The following FAM13C variants were observed in gnomAD, a reference collection of about 807,000 sequenced individuals.
FAM13C encodes protein FAM13C.
A neutral mutation model predicts 73.2 loss-of-function variants in FAM13C; 37 were observed. That is an observed-to-expected ratio of 0.51 (90% CI 0.39 to 0.67). The LOEUF (loss-of-function observed/expected upper bound fraction) is 0.67, where lower values mean the gene tolerates loss of function less well. FAM13C is among the 30% of genes least tolerant of loss of function. The pLI is 0.00. For synonymous variants in FAM13C, 246 were observed against 260.9 expected (o/e 0.94, Z 0.55); for missense variants, 589 against 715.6 (o/e 0.82, Z 2.02).
chr10:59,319,272 TC>T (rs1332311954), intron 4 of FAM13C, among the ~76,000 whole-genome samples: 3 of 152,206 alleles, frequency 2.0e-5, no homozygotes, highest in African/African-American at 7.2e-5. Flanking sequence ...AAGGCCATTA[TC>T]CTTGCTAAGG....
intron 3 of FAM13C, among the ~76,000 whole-genome samples, chr10:59,334,471 C>A (rs1468085639): frequency 1.3e-5 from 2 of 152,060 alleles, no homozygotes; most frequent in East Asian, 3.9e-4. Context: ...ATGTTTATTG[C>A]AGCACTATTC....
rs1554811240 is a variant in FAM13C at position 59,265,311 on chromosome 10, A to AGGAGG, written c.943-1146_943-1145insCCTCC. On this transcript the variant is annotated intron_variant, in intron 8 of 13. Coordinates refer to ENST00000618804, the MANE Select transcript of FAM13C (RefSeq NM_198215.4). ...CTGAGGGATGGCAGAGGGATAGGGA[A>AGGAGG]GGGGTTTTGGCGGGGGGGGGGGGGA... Among the ~76,000 whole-genome samples, 2 of 8,328 alleles carry AGGAGG rather than the reference A, an allele frequency of 2.4e-4. 1 individual carries two copies. Among genetic ancestry groups the AGGAGG allele is most frequent in the African/African-American group, 1.3e-3 (2 of 1,588 alleles). 5.5% of individuals were successfully genotyped at this position (8,328 alleles called of 152,430 possible). A position where few individuals can be genotyped will look rare whatever the true frequency, so the allele number is the denominator to read the frequency against.
intron 6 of FAM13C, among the ~76,000 whole-genome samples, chr10:59,278,615 A>G: frequency 6.6e-6 from 1 of 152,098 alleles, no homozygotes; most frequent in East Asian, 1.9e-4. Context: ...CCCTCATTGT[A>G]ACCAGTTGTG....
At chr10:59,284,327 C>G (rs914025148) in intron 5 of FAM13C, among the ~76,000 whole-genome samples, 13 of 151,986 alleles carry the variant, frequency 8.6e-5, no homozygotes, top group African/African-American at 2.9e-4. Flanking sequence ...AGTGAGTCAG[C>G]CTGAGTCCCT....
At chr10:59,323,669 T>G (rs1850667419) in intron 4 of FAM13C, among the ~76,000 whole-genome samples, 1 of 152,224 alleles carries the variant, frequency 6.6e-6, no homozygotes. Context: ...AAGGAAAATC[T>G]AATTCCCTCT....
intron 1 of FAM13C, among the ~76,000 whole-genome samples, chr10:59,358,315 C>T (rs919065402): frequency 3.3e-5 from 5 of 152,244 alleles, no homozygotes; most frequent in Middle Eastern, 3.4e-3. Flanking sequence ...GAGGTGGAGG[C>T]TGTAGTGAGC....
chr10:59,334,582 A>G (rs1356943919), intron 3 of FAM13C, among the ~76,000 whole-genome samples: 1 of 152,156 alleles, frequency 6.6e-6, no homozygotes, highest in Non-Finnish European at 1.5e-5. Flanking sequence ...GCAGCCATAA[A>G]AAAGGATGAG....
rs140093936 is a variant in FAM13C, at chr10:59,352,418, G to A, written c.176C>T (p.Ala59Val). The change falls in exon 3 of 14, where the codon GCG becomes GTG. Residue 59 changes from alanine to valine, a missense_variant. Coordinates refer to ENST00000618804, the MANE Select transcript of FAM13C (RefSeq NM_198215.4). ...PDAGALVEEHAPPSWEPQQQN... is the reference protein window; with the variant it reads ...PDAGALVEEHVPPSWEPQQQN... ...CTGCTGCGGCTCCCAAGAGGGCGGC[G>A]CGTGCTCTTCTACCAGAGCCCCTGC... is the stretch of plus-strand genomic sequence containing the variant. 219 of 1,613,738 alleles carry A rather than the reference G, an allele frequency of 1.4e-4. No individual in the cohort carries two copies. In the African/African-American group the frequency reaches 2.6e-3, roughly 19 times the overall value.
intron 10 of FAM13C, among the ~76,000 whole-genome samples, chr10:59,256,482 G>A (rs1432470398): frequency 1.3e-5 from 2 of 152,102 alleles, no homozygotes; most frequent in African/African-American, 4.8e-5. Flanking sequence ...CAAAAATTCG[G>A]GAACAAGTAC....
intron 5 of FAM13C, among the ~76,000 whole-genome samples, chr10:59,286,940 A>G (rs1180311861): frequency 6.7e-6 from 1 of 150,264 alleles, no homozygotes; most frequent in Non-Finnish European, 1.5e-5. Flanking sequence ...AGGCTGAGAC[A>G]GGAGAATCGC....
At chr10:59,291,767 T>C (rs1197893423) in intron 5 of FAM13C, among the ~76,000 whole-genome samples, 2 of 147,930 alleles carry the variant, frequency 1.4e-5, no homozygotes, top group Non-Finnish European at 3.0e-5. Flanking sequence ...GAGAGAATAA[T>C]ACCATTTTAT....
At chr10:59,290,105 C>T (rs1432451150) in intron 5 of FAM13C, among the ~76,000 whole-genome samples, 3 of 152,128 alleles carry the variant, frequency 2.0e-5, no homozygotes, top group Non-Finnish European at 4.4e-5. Flanking sequence ...CTAATTTTTC[C>T]CATTTACATA....
At position 59,247,726 on chromosome 10, in the gene FAM13C, T is replaced by C; in HGVS notation, c.1646A>G (p.Lys549Arg). The C allele has an allele frequency of 1.2e-6, 2 of 1,610,536 alleles. No homozygotes were observed. The highest frequency in any genetic ancestry group is 1.7e-6 in the Non-Finnish European group (2 of 1,178,638). ...FFKQTGRSPQ[K>R]EDRIPMADEY... The stretch of plus-strand genomic sequence containing the variant: ...ATCTGCCATTGGTATCCTATCTTCC[T>C]TTTGTGGACTTCTGCAAAACAAAAA... Residue 549 changes from lysine (K) to arginine (R), a missense_variant, in exon 14 of 14, where the codon AAG (lysine) becomes AGG (arginine). Coordinates refer to ENST00000618804, the MANE Select transcript of FAM13C (RefSeq NM_198215.4).
chr10:59,360,940 C>T (rs1039474241), intron 1 of FAM13C: 6 of 1,016,026 alleles, frequency 5.9e-6, no homozygotes, highest in Admixed American at 4.7e-5. Flanking sequence ...TGTGACTGAC[C>T]GAGGATTTGG....
chr10:59,363,102 A>C (rs1304662949), upstream of FAM13C: 1 of 155,432 alleles, frequency 6.4e-6, no homozygotes, highest in Non-Finnish European at 1.4e-5. Context: ...GGCTGGCTGC[A>C]TCACACCTGA....
intron 4 of FAM13C, among the ~76,000 whole-genome samples, chr10:59,313,434 A>T (rs1322901682): frequency 6.6e-6 from 1 of 152,188 alleles, no homozygotes; most frequent in Non-Finnish European, 1.5e-5. Context: ...GTAATTACAC[A>T]TTGAAAATGA....
chr10:59,287,863 G>A (rs903620177), intron 5 of FAM13C, among the ~76,000 whole-genome samples: 3 of 152,206 alleles, frequency 2.0e-5, no homozygotes, highest in African/African-American at 7.2e-5. Flanking sequence ...CATGTGGCAA[G>A]GCTGTACACT....
At chr10:59,336,788 C>A (rs558170247) in intron 3 of FAM13C, among the ~76,000 whole-genome samples, 1 of 152,326 alleles carries the variant, frequency 6.6e-6, no homozygotes, top group East Asian at 1.9e-4. Context: ...GTCTCCTCAG[C>A]TGTTAGAACT....
chr10:59,275,549 G>T (rs561698336), intron 6 of FAM13C, among the ~76,000 whole-genome samples: 12 of 152,342 alleles, frequency 7.9e-5, no homozygotes, highest in African/African-American at 2.9e-4. Flanking sequence ...AAACCTGTGT[G>T]CAGGGGAAAA....
Sources: gnomAD v4.1 joint callset for allele counts (sites outside exome capture counted in the v4.1 genomes callset) on GRCh38, gnomAD v4.1.1 for gene constraint, MANE v1.5 for transcripts, NCBI Gene and HGNC (gene_info 2026-07-23, HGNC 2026-07-21) for gene names.